Variants in SNTG1 observed in about 807,000 individuals in gnomAD.
The protein encoded by SNTG1 is gamma-1-syntrophin.
A neutral mutation model predicts 74.7 loss-of-function variants in SNTG1; 39 were observed. The ratio of observed to expected loss-of-function variants is 0.52; its 90% CI spans 0.40 to 0.68. The LOEUF (loss-of-function observed/expected upper bound fraction) is 0.68. Ranked by LOEUF, SNTG1 falls within the 30% of genes least tolerant of loss-of-function variation. The probability of loss-of-function intolerance (pLI) is 0.00; values close to 1 mark genes in which losing one functional copy is unlikely to be tolerated. For missense variants in SNTG1, 685 were observed against 609.5 expected (o/e 1.12, Z -1.30); for synonymous variants, 254 against 217.1 (o/e 1.17, Z -1.49).
intron 8 of SNTG1, among the ~76,000 whole-genome samples, chr8:50,499,272 G>T (rs760543383): frequency 4.0e-5 from 6 of 151,714 alleles, no homozygotes; most frequent in African/African-American, 1.4e-4. Context: ...ACTTTTGTTA[G>T]ATTGATACAT....
intron 17 of SNTG1, among the ~76,000 whole-genome samples, chr8:50,739,174 G>C (rs919050637): frequency 1.3e-5 from 2 of 151,834 alleles, no homozygotes; most frequent in Non-Finnish European, 2.9e-5. Context: ...TCTCAAAAAG[G>C]GCTAATATCC....
chr8:50,673,799 T>C (rs1402149845), intron 15 of SNTG1, among the ~76,000 whole-genome samples: 1 of 152,198 alleles, frequency 6.6e-6, no homozygotes, highest in African/African-American at 2.4e-5. Flanking sequence ...TTCAATATTA[T>C]ATCTGTTGTG....
chr8:50,366,924 A>G (rs1409036681), intron 2 of SNTG1, among the ~76,000 whole-genome samples: 1 of 146,734 alleles, frequency 6.8e-6, no homozygotes, highest in Non-Finnish European at 1.5e-5. Context: ...ATAGGTCTAT[A>G]CTATATAATA....
At chr8:50,640,286 C>G (rs1186747946) in intron 13 of SNTG1, among the ~76,000 whole-genome samples, 1 of 152,088 alleles carries the variant, frequency 6.6e-6, no homozygotes, top group Non-Finnish European at 1.5e-5. Flanking sequence ...CTATTCTGAA[C>G]ATAGTACAGG....
rs778797130 is a variant in SNTG1, at chr8:50,518,174, A to G, written c.467-12003A>G. Among the ~76,000 whole-genome samples the G allele has an allele frequency of 1.0e-3, 155 of 152,330 alleles. 2 individuals carry two copies. Among genetic ancestry groups the G allele is most frequent in the Non-Finnish European group, 1.3e-3 (86 of 68,028 alleles). ...AACTCACTCAAAACCACACAACTAC[A>G]TGGAAAATGAACAAGCTGCTCCAGA... On this transcript the variant is annotated intron_variant, in intron 9 of 18. Coordinates refer to ENST00000642720, the MANE Select transcript of SNTG1 (RefSeq NM_018967.5).
At chr8:50,588,708 T>C (rs1585773500) in intron 12 of SNTG1, among the ~76,000 whole-genome samples, 1 of 152,178 alleles carries the variant, frequency 6.6e-6, no homozygotes, top group African/African-American at 2.4e-5. Context: ...TAAAGTATTA[T>C]GAAGTTACAG....
intron 2 of SNTG1, among the ~76,000 whole-genome samples, chr8:50,231,029 A>G (rs2085594894): frequency 6.6e-6 from 1 of 151,320 alleles, no homozygotes; most frequent in Non-Finnish European, 1.5e-5. Flanking sequence ...TACATAAGGA[A>G]CTCAACTAAC....
chr8:50,242,054 G>C (rs900558288), intron 2 of SNTG1, among the ~76,000 whole-genome samples: 2 of 151,434 alleles, frequency 1.3e-5, no homozygotes, highest in African/African-American at 4.9e-5. Flanking sequence ...TACATAGATA[G>C]ATAGACACAC....
At chr8:50,243,759 C>A (rs996637616) in intron 2 of SNTG1, among the ~76,000 whole-genome samples, 11 of 151,946 alleles carry the variant, frequency 7.2e-5, no homozygotes, top group African/African-American at 2.7e-4. Context: ...GAGTTTAAAA[C>A]TCTAATAAGT....
chr8:50,305,017 C>A (rs559961655), intron 2 of SNTG1, among the ~76,000 whole-genome samples: 49 of 152,132 alleles, frequency 3.2e-4, no homozygotes, highest in Non-Finnish European at 5.1e-4. Context: ...ATTCTCCTAC[C>A]TCAGCCTCCC....
intron 9 of SNTG1, among the ~76,000 whole-genome samples, chr8:50,518,552 A>G (rs1321927883): frequency 4.6e-5 from 7 of 151,374 alleles, no homozygotes; most frequent in Admixed American, 2.0e-4. Flanking sequence ...ATAATAGACC[A>G]CTATCCAGAC....
intron 4 of SNTG1, among the ~76,000 whole-genome samples, chr8:50,407,499 A>G (rs1370638634): frequency 6.6e-6 from 1 of 152,204 alleles, no homozygotes; most frequent in Non-Finnish European, 1.5e-5. Context: ...AGAATGTTGT[A>G]GTTTTTTCTC....
At chr8:50,620,877 T>G (rs2094918362) in intron 13 of SNTG1, among the ~76,000 whole-genome samples, 1 of 152,130 alleles carries the variant, frequency 6.6e-6, no homozygotes, top group Non-Finnish European at 1.5e-5. Context: ...GGCCTTTATC[T>G]AGAAATAAAT....
intron 12 of SNTG1, among the ~76,000 whole-genome samples, chr8:50,557,731 G>T (rs1047440389): frequency 2.0e-5 from 3 of 152,188 alleles, no homozygotes; most frequent in Non-Finnish European, 2.9e-5. Flanking sequence ...CCTTTATCTG[G>T]TTCCAGGTTT....
chr8:49,942,378 A>G (rs903597005), intron 1 of SNTG1, among the ~76,000 whole-genome samples: 1 of 152,222 alleles, frequency 6.6e-6, no homozygotes, highest in Non-Finnish European at 1.5e-5. Flanking sequence ...TGTGGCACAC[A>G]GAGTTCTCAA....
At chr8:50,037,305 A>T (rs577844945) in intron 1 of SNTG1, among the ~76,000 whole-genome samples, 1 of 152,298 alleles carries the variant, frequency 6.6e-6, no homozygotes, top group African/African-American at 2.4e-5. Context: ...ATCAGGAATG[A>T]TCTGAAGATT....
At chr8:50,483,639 G>T (rs1458309796) in intron 8 of SNTG1, among the ~76,000 whole-genome samples, 1 of 152,060 alleles carries the variant, frequency 6.6e-6, no homozygotes, top group African/African-American at 2.4e-5. Context: ...GCAGTGGACG[G>T]AAATGACAGT....
Position 50,313,242 on chromosome 8 carries a change from A to C in SNTG1, c.-27-80970A>C, listed in dbSNP as rs1198508991. The stretch of plus-strand genomic sequence containing the variant: ...AAAAACTTAGAGGAAAAGCTGCATG[A>C]TATTGGCTGAACAATGATTTTTTTG... On this transcript the variant is annotated intron_variant, in intron 2 of 18. Transcript: ENST00000642720. Among the ~76,000 whole-genome samples, 5 of 149,988 alleles carry C rather than the reference A, an allele frequency of 3.3e-5. 1 individual carries two copies. The highest frequency in any genetic ancestry group is 1.2e-4 in the African/African-American group (5 of 40,254).
chr8:50,705,885 C>A (rs763766950), intron 16 of SNTG1, among the ~76,000 whole-genome samples: 1 of 152,188 alleles, frequency 6.6e-6, no homozygotes, highest in Non-Finnish European at 1.5e-5. Flanking sequence ...GGTTTTCATG[C>A]GCTTGCCACA....
Sources: allele counts gnomAD v4.1 joint callset (sites outside exome capture counted in the v4.1 genomes callset), GRCh38; gene constraint gnomAD v4.1.1; transcripts MANE v1.5; gene names NCBI Gene and HGNC (gene_info 2026-07-23, HGNC 2026-07-21).